Variants in PPARA observed in about 807,000 individuals in gnomAD.
PPARA encodes the protein peroxisome proliferator-activated receptor alpha.
In PPARA, 22 loss-of-function variants were observed where a neutral mutation model predicts 42.2. The ratio of observed to expected loss-of-function variants is 0.52; its 90% CI spans 0.37 to 0.74. The LOEUF is 0.74. PPARA is among the 30% of genes least tolerant of loss of function. PPARA has a pLI of 0.00. For synonymous variants in PPARA, 242 were observed against 239.3 expected (o/e 1.01, Z -0.10); for missense variants, 465 against 608.2 (o/e 0.76, Z 2.48).
intron 7 of PPARA, among the ~76,000 whole-genome samples, chr22:46,223,867 G>C (rs1431907383): frequency 1.4e-5 from 2 of 141,388 alleles, no homozygotes; most frequent in Non-Finnish European, 3.1e-5. Context: ...GGAGAATGGC[G>C]TGAACCTGGG....
rs749185294 is a variant in PPARA at position 46,225,542 on chromosome 22, C to T, written c.711+5528C>T. Among the ~76,000 whole-genome samples the T allele has an allele frequency of 5.3e-5, 8 of 152,000 alleles. No homozygotes were observed. Among genetic ancestry groups the T allele is most frequent in the African/African-American group, 1.9e-4 (8 of 41,352 alleles). On this transcript the variant is annotated intron_variant, in intron 7 of 8. Transcript: ENST00000407236. The surrounding 1 kb of genome is among the most constrained non-coding windows in gnomAD (Gnocchi z 4.1). ...CCACACTCACACATCCGTGCACACACGGGTACACACACATACACGTGCACC... is the reference window on the plus strand; with the variant it reads ...CCACACTCACACATCCGTGCACACATGGGTACACACACATACACGTGCACC...
rs980604394 is a variant in PPARA, at chr22:46,150,535, G to T, written c.-327G>T. 1 of 145,732 alleles carries T rather than the reference G, an allele frequency of 6.9e-6. No homozygotes were observed. Among genetic ancestry groups the T allele is most frequent in the African/African-American group, 2.5e-5 (1 of 40,666 alleles). 9.0% of individuals were successfully genotyped at this position (145,732 alleles called of 1,614,324 possible). On this transcript the variant is annotated 5_prime_UTR_variant, in exon 1 of 9. Coordinates refer to ENST00000407236, the MANE Select transcript of PPARA (RefSeq NM_005036.6). The surrounding 1 kb of genome is among the most constrained non-coding windows in gnomAD (Gnocchi z 7.5). ...GCGCCGGGCATGGGCCGTGGACGCG[G>T]CGGCCCCGCGGCGGGGGCAGCGGGC...
chr22:46,168,703 A>G (rs1361050609), intron 2 of PPARA, among the ~76,000 whole-genome samples: 1 of 151,916 alleles, frequency 6.6e-6, no homozygotes, highest in African/African-American at 2.4e-5. Flanking sequence ...CACTAGGGAA[A>G]TGCAAGTTCA....
At chr22:46,214,314 T>C (rs1207355594) in intron 4 of PPARA, among the ~76,000 whole-genome samples, 1 of 143,366 alleles carries the variant, frequency 7.0e-6, no homozygotes, top group Admixed American at 6.9e-5. Flanking sequence ...GCGGGTCCGA[T>C]GTGTGGGTCC....
At chr22:46,214,280 C>A (rs905966265) in intron 4 of PPARA, among the ~76,000 whole-genome samples, 1 of 152,022 alleles carries the variant, frequency 6.6e-6, no homozygotes, top group African/African-American at 2.4e-5. Context: ...ATGTGTGCAG[C>A]GGAGATGTGC....
chr22:46,198,461 G>A lies in PPARA; in HGVS notation c.78G>A (p.Glu26=). Residue 26 remains glutamate, a synonymous_variant, in exon 4 of 9, where the codon GAG becomes GAA. Transcript: ENST00000407236. ...ATCTAGAGAGCCCGTTATCTGAAGAGTTCCTGCAAGAAATGGGAAACATCC... is the reference window on the plus strand; with the variant it reads ...ATCTAGAGAGCCCGTTATCTGAAGAATTCCTGCAAGAAATGGGAAACATCC... The part of the protein sequence containing the change: ...AGDLESPLSE[E]FLQEMGNIQE... 1 of 1,613,850 alleles carries A rather than the reference G, an allele frequency of 6.2e-7. No homozygotes were observed. Among genetic ancestry groups the A allele is most frequent in the African/African-American group, 1.3e-5 (1 of 74,962 alleles).
chr22:46,177,190 A>G (rs990910328), intron 3 of PPARA, among the ~76,000 whole-genome samples: 3 of 152,188 alleles, frequency 2.0e-5, no homozygotes, highest in Non-Finnish European at 4.4e-5. Flanking sequence ...CAGCCTGGGC[A>G]ACAAAGTGAG....
At chr22:46,199,109 CA>C (rs893484140) in intron 4 of PPARA, among the ~76,000 whole-genome samples, 1 of 152,186 alleles carries the variant, frequency 6.6e-6, no homozygotes, top group African/African-American at 2.4e-5. Context: ...ATGCACACAT[CA>C]AACAGTGCTT....
chr22:46,200,018 C>T lies in PPARA; in HGVS notation c.208+1427C>T, dbSNP rs1045964782. On this transcript the variant is annotated intron_variant, in intron 4 of 8. Transcript: ENST00000407236. This position sits in a 1 kb window ranked among gnomAD's most constrained non-coding sequence, Gnocchi z 4.8. ...GATCACAGGCATGAGCCACTGCACCCGGCCCAATTAAAATCTTTAACACTA... is the reference window on the plus strand; with the variant it reads ...GATCACAGGCATGAGCCACTGCACCTGGCCCAATTAAAATCTTTAACACTA... Among the ~76,000 whole-genome samples, 2 of 152,156 alleles carry T rather than the reference C, an allele frequency of 1.3e-5. No individual in the cohort carries two copies. The highest frequency in any genetic ancestry group is 2.9e-5 in the Non-Finnish European group (2 of 68,024).
intron 7 of PPARA, among the ~76,000 whole-genome samples, chr22:46,223,017 A>G (rs982237622): frequency 2.0e-5 from 3 of 152,116 alleles, no homozygotes; most frequent in Non-Finnish European, 4.4e-5. Context: ...AACATTATCC[A>G]GGCATGGTGG....
rs1468669087 is a variant in PPARA at position 46,238,489 on chromosome 22, A to G, written c.*3109A>G. On this transcript the variant is annotated 3_prime_UTR_variant, in exon 9 of 9. Coordinates refer to ENST00000407236, the MANE Select transcript of PPARA (RefSeq NM_005036.6). This position sits in a 1 kb window ranked among gnomAD's most constrained non-coding sequence, Gnocchi z 8.3. ...ATGTGTGGCACCCGCTCCCTCTGGC[A>G]GCGAATGTAGGAAGTCGCCAAATTT... 1 of 152,262 alleles carries G rather than the reference A, an allele frequency of 6.6e-6. No homozygotes were observed. The highest frequency in any genetic ancestry group is 1.5e-5 in the Non-Finnish European group (1 of 68,044). 9.4% of individuals were successfully genotyped at this position (152,262 alleles called of 1,614,324 possible). A position where few individuals can be genotyped will look rare whatever the true frequency, so the allele number is the denominator to read the frequency against.
chr22:46,209,207 A>C (rs5767636), intron 4 of PPARA, among the ~76,000 whole-genome samples: 1 of 151,954 alleles, frequency 6.6e-6, no homozygotes, highest in Admixed American at 6.6e-5. Flanking sequence ...TTTTCTCTAC[A>C]TGCTTGCCAA....
At chr22:46,168,855 G>A (rs1927534759) in intron 2 of PPARA, among the ~76,000 whole-genome samples, 1 of 151,888 alleles carries the variant, frequency 6.6e-6, no homozygotes, top group Non-Finnish European at 1.5e-5. Context: ...TAGCCACTTT[G>A]GAAAACATTT....
In PPARA at chr22:46,234,456, C is replaced by T. The variant is rs1257970628; in HGVS notation, c.1160-677C>T. On this transcript the variant is annotated intron_variant, in intron 8 of 8. Coordinates refer to ENST00000407236, the MANE Select transcript of PPARA (RefSeq NM_005036.6). This position sits in a 1 kb window ranked among gnomAD's most constrained non-coding sequence, Gnocchi z 5.8. Reference sequence around the variant, plus strand: ...TCAGGTCTCATGCTTTGAGACTGTCCCAGGATGTCTAGTGCCAGCTACCCC... The same window carrying T: ...TCAGGTCTCATGCTTTGAGACTGTCTCAGGATGTCTAGTGCCAGCTACCCC... Among the ~76,000 whole-genome samples the T allele has an allele frequency of 6.6e-6, 1 of 152,022 alleles. No homozygotes were observed. Among genetic ancestry groups the T allele is most frequent in the African/African-American group, 2.4e-5 (1 of 41,384 alleles).
intron 4 of PPARA, among the ~76,000 whole-genome samples, chr22:46,198,990 C>T (rs1601721711): frequency 6.6e-6 from 1 of 152,246 alleles, no homozygotes; most frequent in East Asian, 1.9e-4. Context: ...GAAAAGAAGT[C>T]ACACTTTTTT....
At chr22:46,194,302 T>A (rs1345879127) in intron 3 of PPARA, among the ~76,000 whole-genome samples, 1 of 152,206 alleles carries the variant, frequency 6.6e-6, no homozygotes, top group African/African-American at 2.4e-5. Flanking sequence ...GCAAGACCAA[T>A]GTTTCTGTAA....
At chr22:46,175,286 C>T (rs1470176345) in intron 2 of PPARA, among the ~76,000 whole-genome samples, 1 of 152,194 alleles carries the variant, frequency 6.6e-6, no homozygotes, top group Admixed American at 6.5e-5. Context: ...TTGATACCAT[C>T]AAGATACATA....
rs1440319557 is a variant in PPARA, at chr22:46,234,389, C to T, written c.1160-744C>T. Among the ~76,000 whole-genome samples, 4 of 152,190 alleles carry T rather than the reference C, an allele frequency of 2.6e-5. No homozygotes were observed. Among genetic ancestry groups the T allele is most frequent in the Non-Finnish European group, 4.4e-5 (3 of 68,034 alleles). On this transcript the variant is annotated intron_variant, in intron 8 of 8. Transcript: ENST00000407236. The surrounding 1 kb of genome is among the most constrained non-coding windows in gnomAD (Gnocchi z 5.8). ...TGACTGGGTCTGTAAGGGAGCACCG[C>T]CTGCTGAACATGGCTCAGGGCAGTA...
rs5766743 is a variant in PPARA at position 46,211,481 on chromosome 22, A to G, written c.209-3692A>G. On this transcript the variant is annotated intron_variant, in intron 4 of 8. Coordinates refer to ENST00000407236, the MANE Select transcript of PPARA (RefSeq NM_005036.6). The surrounding 1 kb of genome is among the most constrained non-coding windows in gnomAD (Gnocchi z 4.1). ...CGGTGCAGCGCCTTTCCGCACCTGCACCCACTTTTTCCCCTGAGATTGTTT... is the reference window on the plus strand; with the variant it reads ...CGGTGCAGCGCCTTTCCGCACCTGCGCCCACTTTTTCCCCTGAGATTGTTT... Among the ~76,000 whole-genome samples, 51,005 of 152,052 alleles carry G rather than the reference A, an allele frequency of 0.34. 9,550 individuals carry two copies. The highest frequency in any genetic ancestry group is 0.52 in the African/African-American group (21,467 of 41,444).
Sources: gnomAD v4.1 joint callset for allele counts (sites outside exome capture counted in the v4.1 genomes callset) on GRCh38, gnomAD v4.1.1 for gene constraint, Gnocchi (gnomAD v3.1) non-coding constraint, MANE v1.5 for transcripts, NCBI Gene and HGNC (gene_info 2026-07-23, HGNC 2026-07-21) for gene names.